Variants in STK32A observed in about 807,000 individuals in gnomAD.
STK32A encodes serine/threonine kinase 32A.
A neutral mutation model predicts 53.2 loss-of-function variants in STK32A; 41 were observed. That is an observed-to-expected ratio of 0.77 (90% CI 0.60 to 1.00). The LOEUF (loss-of-function observed/expected upper bound fraction) is 1.00, where lower values mean the gene tolerates loss of function less well. Ranked by LOEUF, STK32A falls within the 50% of genes least tolerant of loss-of-function variation. The pLI is 0.00. For missense variants in STK32A, 458 were observed against 485.8 expected, an observed-to-expected ratio of 0.94 and a Z score of 0.54; for synonymous variants, 166 against 162.8, an observed-to-expected ratio of 1.02 and a Z score of -0.15.
chr5:147,337,722 T>C (rs541845914), intron 5 of STK32A, among the ~76,000 whole-genome samples: 67 of 151,738 alleles, frequency 4.4e-4, no homozygotes, highest in African/African-American at 1.6e-3. Flanking sequence ...GGGTTGGGGG[T>C]TGAGAGAATG....
At chr5:147,305,530 T>C (rs927913404) in intron 4 of STK32A, among the ~76,000 whole-genome samples, 4 of 152,150 alleles carry the variant, frequency 2.6e-5, no homozygotes, top group African/African-American at 9.7e-5. Context: ...CTCCTGTCTC[T>C]ATCAAGATCT....
chr5:147,242,705 G>A (rs1417685221), intron 2 of STK32A, among the ~76,000 whole-genome samples: 1 of 152,164 alleles, frequency 6.6e-6, no homozygotes, highest in African/African-American at 2.4e-5. Flanking sequence ...GTTCTCTCAT[G>A]AGCACTAGTT....
chr5:147,287,110 G>A (rs1752381798), intron 4 of STK32A, among the ~76,000 whole-genome samples: 1 of 152,208 alleles, frequency 6.6e-6, no homozygotes, highest in Admixed American at 6.5e-5. Flanking sequence ...TTGCAGAGCT[G>A]AAGCTAACTT....
At chr5:147,308,426 A>G (rs1239617635) in intron 4 of STK32A, among the ~76,000 whole-genome samples, 2 of 152,088 alleles carry the variant, frequency 1.3e-5, no homozygotes, top group African/African-American at 4.8e-5. Flanking sequence ...TCTCTTATTA[A>G]TTATACTAGT....
rs574806184 is a variant in STK32A, at chr5:147,317,261, G to A, written c.261-6637G>A. Among the ~76,000 whole-genome samples, 86 of 151,216 alleles carry A rather than the reference G, an allele frequency of 5.7e-4. 1 individual carries two copies. Among genetic ancestry groups the A allele is most frequent in the African/African-American group, 1.9e-3 (80 of 41,220 alleles). Reference sequence around the variant, plus strand: ...AGATTGACGTGACATGAAGGCAATCGGCAAAGTCCAGACTGTGAAAATACT... The same window carrying A: ...AGATTGACGTGACATGAAGGCAATCAGCAAAGTCCAGACTGTGAAAATACT... On this transcript the variant is annotated intron_variant, in intron 4 of 12. Coordinates refer to ENST00000397936, the MANE Select transcript of STK32A (RefSeq NM_001112724.2).
intron 2 of STK32A, among the ~76,000 whole-genome samples, chr5:147,272,836 T>A (rs1755099099): frequency 6.6e-6 from 1 of 152,210 alleles, no homozygotes; most frequent in Non-Finnish European, 1.5e-5. Flanking sequence ...ACAGAGACAT[T>A]GTTATTTGAA....
chr5:147,294,738 CA>C (rs1429979274), intron 4 of STK32A, among the ~76,000 whole-genome samples: 1 of 151,452 alleles, frequency 6.6e-6, no homozygotes. Context: ...GACTGGAGTG[CA>C]ATGGTGCGAT....
At chr5:147,366,743 C>G (rs1272313842) in intron 8 of STK32A, among the ~76,000 whole-genome samples, 1 of 152,168 alleles carries the variant, frequency 6.6e-6, no homozygotes, top group Admixed American at 6.5e-5. Flanking sequence ...CTTTTAAACC[C>G]CATCTTAGCA....
the STK32A span, among the ~76,000 whole-genome samples, chr5:147,394,848 T>G: frequency 1.3e-5 from 2 of 152,200 alleles, no homozygotes; most frequent in African/African-American, 4.8e-5. Context: ...CCATACCCTT[T>G]CCTCATATGC....
intron 2 of STK32A, among the ~76,000 whole-genome samples, chr5:147,275,127 G>A (rs1755197184): frequency 6.6e-6 from 1 of 152,098 alleles, no homozygotes; most frequent in East Asian, 1.9e-4. Context: ...GGCAAATCCT[G>A]TATGTTTATA....
rs149293168 is a variant in STK32A, at chr5:147,314,744, T to C, written c.261-9154T>C. 2.2e-3 allele frequency among the ~76,000 whole-genome samples: 325 copies of C among 149,534 alleles called. 1 individual carries two copies. The highest frequency in any genetic ancestry group is 7.5e-3 in the African/African-American group (307 of 40,832). ...CATACCTATTGCTTTCTTTTTCTTTTTTTTTTTTTTTGAGACAGAATCTTG... is the reference window on the plus strand; with the variant it reads ...CATACCTATTGCTTTCTTTTTCTTTCTTTTTTTTTTTGAGACAGAATCTTG... On this transcript the variant is annotated intron_variant, in intron 4 of 12. Transcript: ENST00000397936.
At chr5:147,245,532 A>G (rs1753740837) in intron 2 of STK32A, among the ~76,000 whole-genome samples, 1 of 152,114 alleles carries the variant, frequency 6.6e-6, no homozygotes, top group Non-Finnish European at 1.5e-5. Context: ...GAAAAAAGAA[A>G]TTTTTACAGG....
intron 2 of STK32A, among the ~76,000 whole-genome samples, chr5:147,257,326 A>G (rs1754280509): frequency 6.6e-6 from 1 of 152,236 alleles, no homozygotes; most frequent in East Asian, 1.9e-4. Context: ...GTCCCAATTC[A>G]CTAATGCCCA....
the STK32A span, among the ~76,000 whole-genome samples, chr5:147,400,382 A>C: frequency 6.6e-6 from 1 of 152,330 alleles, no homozygotes; most frequent in East Asian, 1.9e-4. Context: ...CTATCCAAAC[A>C]AAAAGAATTA....
intron 4 of STK32A, among the ~76,000 whole-genome samples, chr5:147,279,917 C>A (rs1561689350): frequency 6.6e-6 from 1 of 152,168 alleles, no homozygotes; most frequent in Non-Finnish European, 1.5e-5. Context: ...AGGACCCAGG[C>A]AACTCCCCCA....
At chr5:147,372,397 T>C (rs559472003) in intron 9 of STK32A, among the ~76,000 whole-genome samples, 1 of 151,318 alleles carries the variant, frequency 6.6e-6, no homozygotes, top group African/African-American at 2.4e-5. Flanking sequence ...TCAAGTTCCT[T>C]ATTTTGGAAT....
chr5:147,262,589 A>G (rs1754627778), intron 2 of STK32A, among the ~76,000 whole-genome samples: 1 of 84,932 alleles, frequency 1.2e-5, no homozygotes, highest in Non-Finnish European at 2.7e-5. Context: ...AGATCAGGAA[A>G]AAACAAAACA....
At chr5:147,249,579 A>G (rs1753892504) in intron 2 of STK32A, among the ~76,000 whole-genome samples, 1 of 152,070 alleles carries the variant, frequency 6.6e-6, no homozygotes, top group Admixed American at 6.6e-5. Flanking sequence ...AGTGCTATGT[A>G]GAGAACTCAT....
chr5:147,314,507 C>CAAAAAAAAAAA (rs1299138229), intron 4 of STK32A, among the ~76,000 whole-genome samples: 1 of 12,764 alleles, frequency 7.8e-5, no homozygotes, highest in African/African-American at 1.4e-4. Context: ...TCAAAAAAAA[C>CAAAAAAAAAAA]AAAAAAAAAC....
Sources: allele counts gnomAD v4.1 joint callset (sites outside exome capture counted in the v4.1 genomes callset), GRCh38; gene constraint gnomAD v4.1.1; transcripts MANE v1.5; gene names NCBI Gene and HGNC (gene_info 2026-07-23, HGNC 2026-07-21).